FGF13: variants seen among roughly 807,000 people sequenced by gnomAD.
FGF13 encodes fibroblast growth factor homologous factor 2.
A neutral mutation model predicts 19.5 loss-of-function variants in FGF13; 2 were observed. The ratio of observed to expected loss-of-function variants is 0.10; its 90% CI spans 0.04 to 0.32. The LOEUF is 0.32. FGF13 is among the 10% of genes least tolerant of loss of function. The pLI is 1.00. For synonymous variants in FGF13, 72 were observed against 76.9 expected, an observed-to-expected ratio of 0.94 and a Z score of 0.33; for missense variants, 113 against 192.7, an observed-to-expected ratio of 0.59 and a Z score of 2.45.
At chrX:139,014,708 C>A (rs1197496318) in intron 1 of FGF13, among the ~76,000 whole-genome samples, 1 of 111,382 alleles carries the variant, frequency 9.0e-6, no homozygotes, top group Admixed American at 9.5e-5. Context: ...TAATTCCAAA[C>A]TCATTTTACA....
At chrX:138,971,912 A>T (rs2124318710) in intron 1 of FGF13, among the ~76,000 whole-genome samples, 1 of 111,477 alleles carries the variant, frequency 9.0e-6, no homozygotes, top group Non-Finnish European at 1.9e-5. Flanking sequence ...TATGAGATCA[A>T]TTTTTTTAGA....
intron 3 of FGF13, among the ~76,000 whole-genome samples, chrX:138,690,223 C>A (rs28444206): frequency 1.8e-5 from 2 of 110,687 alleles, no homozygotes; most frequent in African/African-American, 6.6e-5. Context: ...CCTCATCACT[C>A]ATGAAAGTCA....
At chrX:139,028,954 C>T (rs1336778081) in intron 1 of FGF13, among the ~76,000 whole-genome samples, 2 of 109,708 alleles carry the variant, frequency 1.8e-5, no homozygotes, top group Admixed American at 2.0e-4. Flanking sequence ...GAACCCAATA[C>T]TGGGCCCATG....
downstream of FGF13, among the ~76,000 whole-genome samples, chrX:138,853,599 A>ATGTGTG (rs369190425): frequency 1.1e-5 from 1 of 94,768 alleles, no homozygotes; most frequent in Non-Finnish European, 2.1e-5. Context: ...GGAAGACAGA[A>ATGTGTG]TGTGTGTGTG....
chrX:138,822,729 T>C (rs908562795), intron 3 of FGF13, among the ~76,000 whole-genome samples: 2 of 112,454 alleles, frequency 1.8e-5, no homozygotes, highest in Non-Finnish European at 3.8e-5. Context: ...TCTAATAATG[T>C]AATCAAAATT....
At chrX:139,111,469 T>C (rs1350238142) in intron 1 of FGF13, among the ~76,000 whole-genome samples, 1 of 111,961 alleles carries the variant, frequency 8.9e-6, no homozygotes, top group Non-Finnish European at 1.9e-5. Flanking sequence ...GATGAAGATG[T>C]TTTAGCAGTA....
At chrX:138,671,693 C>T (rs183122675) in intron 3 of FGF13, among the ~76,000 whole-genome samples, 3,968 of 110,567 alleles carry the variant, frequency 0.036, 86 homozygotes, top group Non-Finnish European at 0.058. Flanking sequence ...AAATCCTGAC[C>T]GCCAAAAAAT....
chrX:138,624,724 A>G lies in FGF13; in HGVS notation c.*8126T>C, dbSNP rs936395858. 9.0e-6 allele frequency: 1 copy of G among 111,221 alleles called. No individual in the cohort carries two copies. The highest frequency in any genetic ancestry group is 3.3e-5 in the African/African-American group (1 of 30,489). 9.2% of individuals were successfully genotyped at this position (111,221 alleles called of 1,213,427 possible). On this transcript the variant is annotated 3_prime_UTR_variant, in exon 5 of 5. Coordinates refer to ENST00000315930, the MANE Select transcript of FGF13 (RefSeq NM_004114.5). ...GTGAAACTCCATCTCTACTAAAAAT[A>G]CAAAAACTGAGGTGGGAGGATCACC...
intron 3 of FGF13, among the ~76,000 whole-genome samples, chrX:138,646,660 G>A (rs1015013662): frequency 8.9e-6 from 1 of 111,766 alleles, no homozygotes; most frequent in Non-Finnish European, 1.9e-5. Flanking sequence ...GCACATGTTG[G>A]GTTTTTTATT....
At chrX:138,929,682 T>C (rs1280401080) in intron 1 of FGF13, among the ~76,000 whole-genome samples, 3 of 111,324 alleles carry the variant, frequency 2.7e-5, no homozygotes, top group Non-Finnish European at 5.6e-5. Flanking sequence ...CTGTCCCTTG[T>C]GCCTAAAATA....
At chrX:139,103,856 T>C (rs2083536072) in intron 1 of FGF13, among the ~76,000 whole-genome samples, 1 of 111,691 alleles carries the variant, frequency 9.0e-6, no homozygotes, top group Admixed American at 9.5e-5. Context: ...ATGGAGATAA[T>C]GTCTGCTTTA....
At chrX:138,700,860 AG>A in intron 3 of FGF13, among the ~76,000 whole-genome samples, 1 of 112,060 alleles carries the variant, frequency 8.9e-6, no homozygotes, top group East Asian at 2.8e-4. Context: ...CATCACGGAA[AG>A]GAAGTTCACC....
chrX:139,083,960 G>T (rs2083387427), intron 1 of FGF13, among the ~76,000 whole-genome samples: 1 of 111,239 alleles, frequency 9.0e-6, no homozygotes, highest in South Asian at 3.9e-4. Flanking sequence ...TGCTCAGGAA[G>T]CCAGTCAGCC....
intron 1 of FGF13, among the ~76,000 whole-genome samples, chrX:139,116,462 T>C (rs1231262606): frequency 1.8e-5 from 2 of 111,958 alleles, no homozygotes; most frequent in African/African-American, 3.2e-5. Flanking sequence ...ATAATTCTAT[T>C]ATAGCTTTGT....
chrX:138,752,297 C>T (rs948501698), intron 3 of FGF13, among the ~76,000 whole-genome samples: 7 of 110,859 alleles, frequency 6.3e-5, no homozygotes, highest in Non-Finnish European at 1.3e-4. Flanking sequence ...CATGGTGGTG[C>T]ATGCCTGTAA....
chrX:138,940,580 T>A (rs111991028), intron 1 of FGF13, among the ~76,000 whole-genome samples: 175 of 112,137 alleles, frequency 1.6e-3, no homozygotes, highest in African/African-American at 5.5e-3. Flanking sequence ...CATTTAAGTC[T>A]TTAATCCATC....
At chrX:138,892,631 G>A (rs944245628) in intron 1 of FGF13, among the ~76,000 whole-genome samples, 4 of 110,689 alleles carry the variant, frequency 3.6e-5, no homozygotes, top group African/African-American at 9.9e-5. Flanking sequence ...GTCTGGGAGT[G>A]GGAATGAGTA....
Position 138,788,896 on chromosome X carries a change from A to G in FGF13, c.217+68616T>C, listed in dbSNP as rs758337905. On this transcript the variant is annotated intron_variant, in intron 3 of 6. Transcript: ENST00000436198. ...CATTTCTCTCCTCTTGAATTTTACT[A>G]TAAGCAGTGAGAAGGAACCAAACTG... 6.3e-5 allele frequency among the ~76,000 whole-genome samples: 7 copies of G among 111,907 alleles called. No individual in the cohort carries two copies. The South Asian group carries it at 2.6e-3, about 42-fold the overall frequency.
chrX:138,811,004 A>C lies in FGF13; in HGVS notation c.217+46508T>G, dbSNP rs948285663. Among the ~76,000 whole-genome samples, 513 of 112,288 alleles carry C rather than the reference A, an allele frequency of 4.6e-3. 4 individuals are homozygous for C. Among genetic ancestry groups the C allele is most frequent in the African/African-American group, 0.016 (486 of 30,898 alleles). ...AGTTTTACACTGTTGGTGGGACTGT[A>C]AACTAGTTCAACCATTGTGGAAGAC... On this transcript the variant is annotated intron_variant, in intron 3 of 6. Coordinates refer to the FGF13 transcript ENST00000436198.
Sources: allele counts gnomAD v4.1 joint callset (sites outside exome capture counted in the v4.1 genomes callset), GRCh38; gene constraint gnomAD v4.1.1; transcripts MANE v1.5; gene names NCBI Gene and HGNC (gene_info 2026-07-23, HGNC 2026-07-21).